Variants in ADAMTS12 observed in about 807,000 individuals in gnomAD.
ADAMTS12 encodes the protein A disintegrin and metalloproteinase with thrombospondin motifs 12.
A neutral mutation model predicts 167.8 loss-of-function variants in ADAMTS12; 118 were observed. The ratio of observed to expected loss-of-function variants is 0.70; its 90% CI spans 0.61 to 0.82. ADAMTS12 has a LOEUF of 0.82. Among genes scored for constraint, ADAMTS12 ranks in the 40% least tolerant of loss-of-function variants. ADAMTS12 has a pLI of 0.00. For synonymous variants in ADAMTS12, 704 were observed against 716.9 expected, an observed-to-expected ratio of 0.98 and a Z score of 0.29; for missense variants, 1,916 against 1,998.8, an observed-to-expected ratio of 0.96 and a Z score of 0.79.
intron 2 of ADAMTS12, among the ~76,000 whole-genome samples, chr5:33,877,391 C>G (rs1750267829): frequency 6.6e-6 from 1 of 152,174 alleles, no homozygotes; most frequent in Non-Finnish European, 1.5e-5. Context: ...GTGCAGAAAT[C>G]TAAACTAAAA....
At chr5:33,558,670 A>T (rs928360709) in intron 20 of ADAMTS12, among the ~76,000 whole-genome samples, 6 of 152,168 alleles carry the variant, frequency 3.9e-5, no homozygotes, top group African/African-American at 1.4e-4. Context: ...TCAAAACACA[A>T]GCTATTTCAC....
At chr5:33,841,891 T>G (rs553118507) in intron 2 of ADAMTS12, among the ~76,000 whole-genome samples, 1 of 152,334 alleles carries the variant, frequency 6.6e-6, no homozygotes, top group African/African-American at 2.4e-5. Context: ...CATCAAAATC[T>G]TTCAGCCAGG....
chr5:33,863,610 G>A (rs998524858), intron 2 of ADAMTS12, among the ~76,000 whole-genome samples: 2 of 151,660 alleles, frequency 1.3e-5, no homozygotes, highest in South Asian at 2.1e-4. Context: ...AATCAATATC[G>A]TGAAAATGGC....
intron 22 of ADAMTS12, among the ~76,000 whole-genome samples, chr5:33,545,839 C>T (rs780493521): frequency 6.9e-6 from 1 of 144,806 alleles, no homozygotes; most frequent in Non-Finnish European, 1.5e-5. Context: ...GGGCAGGTAA[C>T]ATCACACACT....
At chr5:33,806,292 T>A (rs1747225851) in intron 2 of ADAMTS12, among the ~76,000 whole-genome samples, 1 of 152,176 alleles carries the variant, frequency 6.6e-6, no homozygotes, top group South Asian at 2.1e-4. Flanking sequence ...TATACAGAAG[T>A]CACTGAAGAA....
intron 21 of ADAMTS12, among the ~76,000 whole-genome samples, chr5:33,548,078 A>T (rs1745069448): frequency 6.6e-6 from 1 of 152,184 alleles, no homozygotes; most frequent in African/African-American, 2.4e-5. Flanking sequence ...GGTGGTAAGT[A>T]ACTCGGGGCT....
intron 3 of ADAMTS12, among the ~76,000 whole-genome samples, chr5:33,719,622 A>C (rs191668854): frequency 1.0e-3 from 158 of 152,336 alleles, no homozygotes; most frequent in African/African-American, 3.7e-3. Context: ...AAGAATCTTA[A>C]GGGGGTTCAT....
At chr5:33,849,146 ATAGCAATATATATATGTATTG>A (rs2111634198) in intron 2 of ADAMTS12, among the ~76,000 whole-genome samples, 1 of 104,940 alleles carries the variant, frequency 9.5e-6, no homozygotes, top group Admixed American at 9.9e-5. Context: ...TATGTATTGC[ATAGCAATATATATATGTATTG>A]CATAGCAATA....
chr5:33,685,347 C>T (rs1742284561), intron 3 of ADAMTS12, among the ~76,000 whole-genome samples: 1 of 152,236 alleles, frequency 6.6e-6, no homozygotes, highest in African/African-American at 2.4e-5. Context: ...GTCATTCCTC[C>T]TCGTTAGCTC....
Position 33,881,286 on chromosome 5 carries a change from C to A in ADAMTS12, c.322G>T (p.Val108Phe), listed in dbSNP as rs760366806. Residue 108 changes from valine (V) to phenylalanine (F), a missense_variant, in exon 2 of 24, where the codon GTC becomes TTC. Physicochemically the swap from Val to Phe is conservative, Grantham distance 50. Coordinates refer to ENST00000504830, the MANE Select transcript of ADAMTS12 (RefSeq NM_030955.4). ...EEKDLFFNLT[V>F]NQGFLSNSYI... Reference sequence around the variant, plus strand: ...CTATTGGAAAGAAATCCTTGATTGACCGTCAAGTTAAAAAACAGGTCCTTC... The same window carrying A: ...CTATTGGAAAGAAATCCTTGATTGAACGTCAAGTTAAAAAACAGGTCCTTC... 6.2e-7 allele frequency: 1 copy of A among 1,614,180 alleles called. No individual in the cohort carries two copies. Among genetic ancestry groups the A allele is most frequent in the Non-Finnish European group, 8.5e-7 (1 of 1,180,038 alleles).
intron 5 of ADAMTS12, among the ~76,000 whole-genome samples, chr5:33,670,808 T>C (rs1741661026): frequency 6.6e-6 from 1 of 152,210 alleles, no homozygotes; most frequent in African/African-American, 2.4e-5. Context: ...AGCAGTTACA[T>C]TCCTGTGCCT....
At chr5:33,673,745 G>A (rs112335651) in intron 5 of ADAMTS12, among the ~76,000 whole-genome samples, 200 of 152,098 alleles carry the variant, frequency 1.3e-3, no homozygotes, top group Admixed American at 3.9e-3. Flanking sequence ...GCAACCTCAC[G>A]GTTTATGCTT....
At chr5:33,795,608 C>T (rs1321271432) in intron 2 of ADAMTS12, among the ~76,000 whole-genome samples, 2 of 152,222 alleles carry the variant, frequency 1.3e-5, no homozygotes, top group East Asian at 3.9e-4. Flanking sequence ...CTCAGAGGAG[C>T]GGTGGTGAAT....
At chr5:33,614,189 A>G in intron 16 of ADAMTS12, 49 bp downstream of exon 16, 2 of 1,598,232 alleles carry the variant, frequency 1.3e-6, no homozygotes, top group Non-Finnish European at 1.7e-6. Context: ...ACCTCTACAA[A>G]CTGCTCTGAG....
chr5:33,740,924 C>T (rs1744549970), intron 3 of ADAMTS12, among the ~76,000 whole-genome samples: 1 of 152,230 alleles, frequency 6.6e-6, no homozygotes. Flanking sequence ...TCTCCTCAGA[C>T]TTCACTTATA....
chr5:33,658,325 A>T lies in ADAMTS12; in HGVS notation c.1049T>A (p.Ile350Asn). ...GCAGGGGCGATTGAAACCAGCACAGATGTCCTTTCTGAAAGCAGAGAATAC... is the reference window on the plus strand; with the variant it reads ...GCAGGGGCGATTGAAACCAGCACAGTTGTCCTTTCTGAAAGCAGAGAATAC... ...DVAVLLTRKD[I>N]CAGFNRPCET... Residue 350 changes from isoleucine to asparagine, a missense_variant, in exon 7 of 24, where the codon ATC becomes AAC. Coordinates refer to ENST00000504830, the MANE Select transcript of ADAMTS12 (RefSeq NM_030955.4). 1 of 1,613,490 alleles carries T rather than the reference A, an allele frequency of 6.2e-7. No homozygotes were observed.
intron 2 of ADAMTS12, among the ~76,000 whole-genome samples, chr5:33,812,410 T>C (rs893230017): frequency 2.0e-5 from 3 of 152,202 alleles, no homozygotes; most frequent in Admixed American, 6.5e-5. Flanking sequence ...AATGAACACA[T>C]TTTAAGTGGG....
chr5:33,617,235 A>G (rs1739069138), intron 14 of ADAMTS12, among the ~76,000 whole-genome samples: 1 of 150,096 alleles, frequency 6.7e-6, no homozygotes, highest in Non-Finnish European at 1.5e-5. Context: ...TTTTTTAAAT[A>G]TAAAATACAG....
At chr5:33,790,965 T>C (rs2112457383) in intron 2 of ADAMTS12, among the ~76,000 whole-genome samples, 1 of 152,158 alleles carries the variant, frequency 6.6e-6, no homozygotes, top group East Asian at 1.9e-4. Flanking sequence ...GATGTTAACA[T>C]TGGTCAGAGG....
Sources: gnomAD v4.1 joint callset for allele counts (sites outside exome capture counted in the v4.1 genomes callset) on GRCh38, gnomAD v4.1.1 for gene constraint, MANE v1.5 for transcripts, NCBI Gene and HGNC (gene_info 2026-07-23, HGNC 2026-07-21) for gene names.